The following SNTB1 variants were observed in gnomAD, a reference collection of about 807,000 sequenced individuals.
The protein encoded by SNTB1 is syntrophin beta 1, also known as beta-1-syntrophin.
A neutral mutation model predicts 48.9 loss-of-function variants in SNTB1; 36 were observed. That is an observed-to-expected ratio of 0.74 (90% confidence interval 0.56 to 0.97). The LOEUF is 0.97. Ranked by LOEUF, SNTB1 falls within the 50% of genes least tolerant of loss-of-function variation. The pLI, the probability that SNTB1 is intolerant of heterozygous loss-of-function variation, is 0.00. For synonymous variants in SNTB1, 299 were observed against 294.6 expected (o/e 1.01, Z -0.15); for missense variants, 786 against 703.4 (o/e 1.12, Z -1.33).
At chr8:120,799,143 AGTACGGCCTTTATT>A (rs1820172805) in intron 1 of SNTB1, among the ~76,000 whole-genome samples, 2 of 152,006 alleles carry the variant, frequency 1.3e-5, no homozygotes, top group Non-Finnish European at 2.9e-5. Context: ...AGCAACTAAC[AGTACGGCCTTTATT>A]GGTTCATTCC....
rs189971568 is a variant in SNTB1, at chr8:120,565,018, C to T, written c.1136+10068G>A. Reference sequence around the variant, plus strand: ...GATGAAACATTGTTTTCTCTCTCTACCAGCAAATCCAATGGTCTTCCATTT... The same window carrying T: ...GATGAAACATTGTTTTCTCTCTCTATCAGCAAATCCAATGGTCTTCCATTT... On this transcript the variant is annotated intron_variant, in intron 4 of 6. Coordinates refer to ENST00000517992, the MANE Select transcript of SNTB1 (RefSeq NM_021021.4). 2.3e-4 allele frequency among the ~76,000 whole-genome samples: 35 copies of T among 152,304 alleles called. 1 individual carries two copies. The highest frequency in any genetic ancestry group is 2.1e-3 in the Admixed American group (32 of 15,288).
At chr8:120,680,875 T>G (rs1817918982) in intron 2 of SNTB1, among the ~76,000 whole-genome samples, 1 of 152,146 alleles carries the variant, frequency 6.6e-6, no homozygotes, top group Non-Finnish European at 1.5e-5. Context: ...AACTAAAATT[T>G]TCCAGGAATG....
chr8:120,603,432 G>A (rs1302437637), intron 3 of SNTB1, among the ~76,000 whole-genome samples: 4 of 152,120 alleles, frequency 2.6e-5, no homozygotes, highest in East Asian at 1.9e-4. Flanking sequence ...TTCCACACTC[G>A]TCACTTTTCT....
intron 3 of SNTB1, among the ~76,000 whole-genome samples, chr8:120,580,569 C>T (rs149773124): frequency 6.6e-6 from 1 of 152,292 alleles, no homozygotes; most frequent in Non-Finnish European, 1.5e-5. Context: ...ACAGAGAACA[C>T]AAAGTGAAAA....
chr8:120,617,726 C>A (rs1456624363), intron 3 of SNTB1, among the ~76,000 whole-genome samples: 1 of 152,180 alleles, frequency 6.6e-6, no homozygotes, highest in Non-Finnish European at 1.5e-5. Flanking sequence ...GCCTCCAGAT[C>A]CCTAGCTCTG....
intron 2 of SNTB1, among the ~76,000 whole-genome samples, chr8:120,674,990 G>T (rs575650460): frequency 2.6e-5 from 4 of 152,292 alleles, no homozygotes; most frequent in South Asian, 2.1e-4. Flanking sequence ...AGAGACAAAG[G>T]TTCCTTTTCG....
intron 3 of SNTB1, among the ~76,000 whole-genome samples, chr8:120,623,574 G>A (rs1434717953): frequency 6.6e-6 from 1 of 152,144 alleles, no homozygotes; most frequent in Non-Finnish European, 1.5e-5. Context: ...GGTCCTGCAC[G>A]GCGTGCAGTG....
intron 1 of SNTB1, among the ~76,000 whole-genome samples, chr8:120,791,501 A>G (rs1820035049): frequency 6.6e-6 from 1 of 152,154 alleles, no homozygotes; most frequent in African/African-American, 2.4e-5. Flanking sequence ...CAGAGTAAAC[A>G]GATAACTTAC....
chr8:120,732,572 G>A (rs1004701701), intron 1 of SNTB1, among the ~76,000 whole-genome samples: 2 of 152,186 alleles, frequency 1.3e-5, no homozygotes, highest in Admixed American at 6.5e-5. Flanking sequence ...CTTGCAGGCG[G>A]CCACTCAATA....
At chr8:120,782,887 A>G (rs956809689) in intron 1 of SNTB1, among the ~76,000 whole-genome samples, 1 of 152,204 alleles carries the variant, frequency 6.6e-6, no homozygotes, top group Non-Finnish European at 1.5e-5. Flanking sequence ...ACTCAGAAAG[A>G]AAAACAAGGA....
intron 2 of SNTB1, among the ~76,000 whole-genome samples, chr8:120,671,149 C>G (rs1407672537): frequency 1.3e-5 from 2 of 152,036 alleles, no homozygotes; most frequent in African/African-American, 4.8e-5. Flanking sequence ...TGGGATGGGG[C>G]CAGGAATCTA....
chr8:120,651,588 T>A (rs1240920989), intron 2 of SNTB1, among the ~76,000 whole-genome samples: 1 of 152,230 alleles, frequency 6.6e-6, no homozygotes, highest in Non-Finnish European at 1.5e-5. Context: ...GCTGATAACA[T>A]ACCCCAAAAG....
intron 3 of SNTB1, among the ~76,000 whole-genome samples, chr8:120,616,890 C>T (rs1446551889): frequency 6.6e-6 from 1 of 152,204 alleles, no homozygotes; most frequent in Non-Finnish European, 1.5e-5. Context: ...GCTGAAGATG[C>T]CTGTGCTCCT....
intron 3 of SNTB1, among the ~76,000 whole-genome samples, chr8:120,583,321 A>G (rs1452189065): frequency 6.6e-6 from 1 of 152,110 alleles, no homozygotes; most frequent in Admixed American, 6.5e-5. Flanking sequence ...CCTGGCCAAC[A>G]TGGTGAAACC....
chr8:120,576,701 AC>A (rs1266561066), intron 3 of SNTB1, among the ~76,000 whole-genome samples: 1 of 152,182 alleles, frequency 6.6e-6, no homozygotes, highest in Non-Finnish European at 1.5e-5. Context: ...TACCCAGTTT[AC>A]TAGCTGTGGG....
chr8:120,619,296 T>TAC (rs1816758231), intron 3 of SNTB1, among the ~76,000 whole-genome samples: 1 of 145,796 alleles, frequency 6.9e-6, no homozygotes, highest in African/African-American at 2.6e-5. Flanking sequence ...GTGAAAATTA[T>TAC]ACATATATAT....
intron 1 of SNTB1, among the ~76,000 whole-genome samples, chr8:120,749,654 T>C (rs1819179788): frequency 6.6e-6 from 1 of 152,086 alleles, no homozygotes; most frequent in Admixed American, 6.6e-5. Context: ...GATAAAGGTT[T>C]GCAAAAAAGG....
chr8:120,614,877 A>G (rs955361945), intron 3 of SNTB1, among the ~76,000 whole-genome samples: 25 of 150,092 alleles, frequency 1.7e-4, no homozygotes, highest in Non-Finnish European at 5.9e-5. Context: ...GCTCACGTTT[A>G]TTAAGATGAT....
At chr8:120,640,851 G>GT (rs1817182515) in intron 2 of SNTB1, among the ~76,000 whole-genome samples, 2 of 151,974 alleles carry the variant, frequency 1.3e-5, no homozygotes, top group South Asian at 4.2e-4. Context: ...TTTTTGTTGT[G>GT]TCTGCCAGGC....
Sources: allele counts gnomAD v4.1 joint callset (sites outside exome capture counted in the v4.1 genomes callset), GRCh38; gene constraint gnomAD v4.1.1; transcripts MANE v1.5; gene names NCBI Gene and HGNC (gene_info 2026-07-23, HGNC 2026-07-21).